MYH9: variants seen among roughly 807,000 people sequenced by gnomAD.
MYH9 encodes myosin heavy chain 9.
A neutral mutation model predicts 241.9 loss-of-function variants in MYH9; 29 were observed. The ratio of observed to expected loss-of-function variants is 0.12; its 90% CI spans 0.09 to 0.16. The LOEUF (loss-of-function observed/expected upper bound fraction) is 0.16. MYH9 is among the 10% of genes least tolerant of loss of function. MYH9 has a pLI of 1.00. For synonymous variants in MYH9, 1,047 were observed against 1,062.6 expected (o/e 0.99, Z 0.29); for missense variants, 1,803 against 2,595.5 (o/e 0.69, Z 6.63).
intron 14 of MYH9, among the ~76,000 whole-genome samples, chr22:36,310,917 T>C (rs1272331969): frequency 1.3e-5 from 2 of 152,122 alleles, no homozygotes; most frequent in African/African-American, 4.8e-5. Context: ...GTAAATCGCT[T>C]TTTTGGCTTT....
chr22:36,328,085 A>C (rs2017364491), intron 3 of MYH9, among the ~76,000 whole-genome samples: 1 of 152,226 alleles, frequency 6.6e-6, no homozygotes, highest in South Asian at 2.1e-4. Context: ...ACTTGTGTCC[A>C]CAACACATGT....
chr22:36,350,367 G>A (rs372291765), intron 1 of MYH9, among the ~76,000 whole-genome samples: 1 of 152,114 alleles, frequency 6.6e-6, no homozygotes, highest in African/African-American at 2.4e-5. Context: ...GAGAAACCCC[G>A]TCTCTACTAA....
intron 19 of MYH9, among the ~76,000 whole-genome samples, chr22:36,303,010 G>A (rs938640122): frequency 1.3e-5 from 2 of 152,124 alleles, no homozygotes; most frequent in South Asian, 2.1e-4. Context: ...TGATTAAGCT[G>A]ACTGGCCCTG....
chr22:36,295,013 G>C lies in MYH9; in HGVS notation c.3549C>G (p.His1183Gln). 1 of 1,614,168 alleles carries C rather than the reference G, an allele frequency of 6.2e-7. No individual in the cohort carries two copies. The highest frequency in any genetic ancestry group is 8.5e-7 in the Non-Finnish European group (1 of 1,180,022). The change falls in exon 27 of 41, where the codon CAC becomes CAG. Residue 1183 changes from histidine (H) to glutamine (Q), a missense_variant. By Grantham distance (24) the His-to-Gln change is conservative. This residue lies in a region of MYH9 where 876 missense variants were observed against 1,077.8 expected (regional missense o/e 0.81). Transcript: ENST00000216181. The surrounding 1 kb of genome is among the most constrained non-coding windows in gnomAD (Gnocchi z 4.1). ...KKTLEEEAKT[H>Q]EAQIQEMRQK... is the part of the protein sequence containing the mutation. ...GCCTCATCTCCTGGATCTGGGCCTCGTGGGTCTTGGCCTCCTCCTCCAGGG... is the reference window on the plus strand; with the variant it reads ...GCCTCATCTCCTGGATCTGGGCCTCCTGGGTCTTGGCCTCCTCCTCCAGGG...
intron 1 of MYH9, among the ~76,000 whole-genome samples, chr22:36,383,144 C>T (rs914738174): frequency 6.6e-5 from 10 of 152,080 alleles, no homozygotes; most frequent in African/African-American, 2.4e-4. Flanking sequence ...TGCTTGAGCC[C>T]AGGAATTTGA....
At chr22:36,377,704 T>C (rs2018192147) in intron 1 of MYH9, among the ~76,000 whole-genome samples, 1 of 150,044 alleles carries the variant, frequency 6.7e-6, no homozygotes, top group Non-Finnish European at 1.5e-5. Context: ...GGTCAGGAGA[T>C]GGAGACCATC....
At chr22:36,364,465 T>C (rs560256375) in intron 1 of MYH9, among the ~76,000 whole-genome samples, 1 of 152,290 alleles carries the variant, frequency 6.6e-6, no homozygotes, top group Middle Eastern at 3.4e-3. Context: ...AATCATCTTC[T>C]ATCTTATTGT....
In MYH9 at chr22:36,296,831, C is replaced by T. The variant is rs1303582325; in HGVS notation, c.3272+12G>A. The T allele has an allele frequency of 6.9e-6, 11 of 1,599,448 alleles. No homozygotes were observed. The highest frequency in any genetic ancestry group is 2.2e-5 in the East Asian group (1 of 44,602). On this transcript the variant is annotated intron_variant, in intron 25 of 40. Coordinates refer to ENST00000216181, the MANE Select transcript of MYH9 (RefSeq NM_002473.6). ...GGCCACCTGGCCTCAGGCGGGCAGG[C>T]GGGGTCCTCACCTGGCCAGGGCGGC...
intron 40 of MYH9, among the ~76,000 whole-genome samples, chr22:36,283,549 A>C (rs2016527755): frequency 6.6e-6 from 1 of 151,406 alleles, no homozygotes; most frequent in Middle Eastern, 3.4e-3. Context: ...AAAAAAAAAA[A>C]CAAAAAAAAT....
chr22:36,333,901 T>C (rs963594027), intron 3 of MYH9, among the ~76,000 whole-genome samples: 12 of 151,998 alleles, frequency 7.9e-5, no homozygotes, highest in Non-Finnish European at 1.5e-4. Flanking sequence ...AGTGGCTTAG[T>C]GATTAGGGAT....
chr22:36,361,691 C>T (rs1328506449), intron 1 of MYH9, among the ~76,000 whole-genome samples: 1 of 152,098 alleles, frequency 6.6e-6, no homozygotes, highest in Non-Finnish European at 1.5e-5. Context: ...GGCAGCTAAC[C>T]CAGGATCTTA....
chr22:36,296,304 G>C (rs1002102855), intron 25 of MYH9, among the ~76,000 whole-genome samples: 2 of 152,052 alleles, frequency 1.3e-5, no homozygotes, highest in Non-Finnish European at 1.5e-5. Flanking sequence ...GCACGATCTT[G>C]GCTGACTGCA....
At chr22:36,333,611 G>A (rs553916067) in intron 3 of MYH9, among the ~76,000 whole-genome samples, 3 of 152,362 alleles carry the variant, frequency 2.0e-5, no homozygotes, top group South Asian at 2.1e-4. Context: ...GAAGCCACGT[G>A]CAGAATCCCA....
rs2016777467 is a variant in MYH9, at chr22:36,295,684, G to A, written c.3306C>T (p.Ala1102=). 2 of 1,613,710 alleles carry A rather than the reference G, an allele frequency of 1.2e-6. No individual in the cohort carries two copies. Among genetic ancestry groups the A allele is most frequent in the Non-Finnish European group, 1.7e-6 (2 of 1,179,964 alleles). The change falls in exon 26 of 41, where the codon GCC becomes GCT. Residue 1102 remains alanine, a synonymous_variant. Transcript: ENST00000216181. This position sits in a 1 kb window ranked among gnomAD's most constrained non-coding sequence, Gnocchi z 4.1. ...VEEEAAQKNM[A]LKKIRELESQ... ...ATTCCAGCTCCCGGATCTTCTTGAG[G>A]GCCATGTTCTTCTGGGCAGCTTCCT... is the stretch of plus-strand genomic sequence containing the variant.
intron 13 of MYH9, among the ~76,000 whole-genome samples, chr22:36,312,685 C>T (rs2017084569): frequency 6.6e-6 from 1 of 152,198 alleles, no homozygotes; most frequent in Non-Finnish European, 1.5e-5. Context: ...ACCCAGCAGC[C>T]TTCTGCACAC....
At chr22:36,358,454 T>C (rs2017890143) in intron 1 of MYH9, among the ~76,000 whole-genome samples, 1 of 152,066 alleles carries the variant, frequency 6.6e-6, no homozygotes, top group South Asian at 2.1e-4. Flanking sequence ...GCCGGATTAT[T>C]TCCCGCCCAG....
At chr22:36,367,952 G>A (rs949338961) in intron 1 of MYH9, among the ~76,000 whole-genome samples, 4 of 152,086 alleles carry the variant, frequency 2.6e-5, no homozygotes, top group African/African-American at 9.7e-5. Flanking sequence ...TGCACACAGA[G>A]GTGCAGAGAC....
At chr22:36,324,359 T>C (rs1033622471) in intron 5 of MYH9, among the ~76,000 whole-genome samples, 1 of 152,276 alleles carries the variant, frequency 6.6e-6, no homozygotes, top group Non-Finnish European at 1.5e-5. Flanking sequence ...TGTATGAGGT[T>C]TGGGGTTACC....
Position 36,304,007 on chromosome 22 carries a change from T to C in MYH9, c.2378A>G (p.Tyr793Cys), listed in dbSNP as rs2016930001. Residue 793 changes from tyrosine (Y) to cysteine (C), a missense_variant, in exon 19 of 41, where the codon TAC becomes TGC. This residue lies in a region of MYH9 where 72 missense variants were observed against 83.3 expected (regional missense o/e 0.86). Coordinates refer to ENST00000216181, the MANE Select transcript of MYH9 (RefSeq NM_002473.6). ...TCCCGGGACTCACTTCCTGGCCAGG[T>C]AGCCCCTGCAGCAGGCCTGGAACCC... ...IIGFQACCRGYLARKAFAKRQ... is the reference protein window; with the variant it reads ...IIGFQACCRGCLARKAFAKRQ... 6.2e-7 allele frequency: 1 copy of C among 1,613,428 alleles called. No homozygotes were observed. The highest frequency in any genetic ancestry group is 1.1e-5 in the South Asian group (1 of 91,092).
Sources: allele counts gnomAD v4.1 joint callset (sites outside exome capture counted in the v4.1 genomes callset), GRCh38; gene constraint gnomAD v4.1.1; regional missense constraint gnomAD v4.1.1; non-coding constraint Gnocchi (gnomAD v3.1); transcripts MANE v1.5; gene names NCBI Gene and HGNC (gene_info 2026-07-23, HGNC 2026-07-21).